The following CSMD1 variants were observed in gnomAD, a reference collection of about 807,000 sequenced individuals.
The protein encoded by CSMD1 is CUB and Sushi multiple domains 1.
In CSMD1, 213 loss-of-function variants were observed where a neutral mutation model predicts 417.5. The ratio of observed to expected loss-of-function variants is 0.51; its 90% CI spans 0.46 to 0.57. CSMD1 has a LOEUF of 0.57. Among genes scored for constraint, CSMD1 ranks in the 20% least tolerant of loss-of-function variants. The pLI, the probability that CSMD1 is intolerant of heterozygous loss-of-function variation, is 0.00. For synonymous variants in CSMD1, 2,862 were observed against 1,736.8 expected (o/e 1.65, Z -16.11); for missense variants, 6,923 against 4,529.7 (o/e 1.53, Z -15.17).
intron 10 of CSMD1, among the ~76,000 whole-genome samples, chr8:3,570,828 C>G (rs571086404): frequency 7.2e-5 from 11 of 152,144 alleles, no homozygotes; most frequent in Non-Finnish European, 1.5e-4. Flanking sequence ...AGGAGTTTCA[C>G]TTTCCGGGAT....
intron 5 of CSMD1, among the ~76,000 whole-genome samples, chr8:3,943,978 C>G (rs964658139): frequency 2.0e-5 from 3 of 151,996 alleles, no homozygotes; most frequent in African/African-American, 7.3e-5. Context: ...GAAAATTAGG[C>G]AATGATATTA....
At chr8:4,441,412 C>T (rs1047417401) in intron 2 of CSMD1, among the ~76,000 whole-genome samples, 2 of 151,452 alleles carry the variant, frequency 1.3e-5, no homozygotes, top group African/African-American at 4.9e-5. Flanking sequence ...CTCACCCAGC[C>T]CCAGAAGTCA....
intron 50 of CSMD1, among the ~76,000 whole-genome samples, chr8:3,048,541 A>C (rs979342907): frequency 1.8e-4 from 27 of 152,318 alleles, no homozygotes; most frequent in Middle Eastern, 3.4e-3. Context: ...CATTCTAAAA[A>C]ATAATCCAGA....
chr8:4,137,372 T>C (rs13273568), intron 3 of CSMD1, among the ~76,000 whole-genome samples: 57,814 of 103,418 alleles, frequency 0.56, 20,278 homozygotes, highest in Middle Eastern at 0.74. Context: ...AAACTTCTTA[T>C]GCTAAATAGA....
chr8:3,942,031 T>G (rs531006155), intron 5 of CSMD1, among the ~76,000 whole-genome samples: 13 of 152,086 alleles, frequency 8.5e-5, no homozygotes, highest in African/African-American at 2.9e-4. Context: ...TAGATTCTTA[T>G]AGGCGCGCAA....
intron 5 of CSMD1, among the ~76,000 whole-genome samples, chr8:3,838,983 A>G (rs961592098): frequency 4.0e-5 from 5 of 126,274 alleles, no homozygotes; most frequent in African/African-American, 1.2e-4. Flanking sequence ...ATAATATATT[A>G]TATATCATAT....
intron 3 of CSMD1, among the ~76,000 whole-genome samples, chr8:4,296,076 GCT>G (rs955040374): frequency 1.3e-5 from 2 of 152,032 alleles, no homozygotes; most frequent in African/African-American, 2.4e-5. Context: ...AAAATGATGT[GCT>G]CTCTGTTGTT....
rs539159310 is a variant in CSMD1 at position 4,397,030 on chromosome 8, TA to T, written c.415+22922del. Among the ~76,000 whole-genome samples the T allele has an allele frequency of 4.8e-3, 693 of 145,308 alleles. 4 individuals carry two copies. The highest frequency in any genetic ancestry group is 0.024 in the East Asian group (119 of 5,032). ...CTGTTCCCTAAAAATCTAATGAAAT[TA>T]AAAAAAAAATAAAGAAAAATTATTA... On this transcript the variant is annotated intron_variant, in intron 3 of 69. Coordinates refer to ENST00000635120, the MANE Select transcript of CSMD1 (RefSeq NM_033225.6).
chr8:4,785,750 C>A (rs926267207), intron 1 of CSMD1, among the ~76,000 whole-genome samples: 4 of 152,144 alleles, frequency 2.6e-5, no homozygotes, highest in Admixed American at 2.6e-4. Flanking sequence ...GTGCATCATA[C>A]AAATAATAGT....
intron 31 of CSMD1, among the ~76,000 whole-genome samples, chr8:3,202,843 T>G (rs1456556371): frequency 6.6e-6 from 1 of 152,208 alleles, no homozygotes; most frequent in African/African-American, 2.4e-5. Flanking sequence ...TCTTTTAAGA[T>G]TTTATAATTT....
At chr8:3,719,685 T>C (rs1802038613) in intron 6 of CSMD1, among the ~76,000 whole-genome samples, 1 of 152,136 alleles carries the variant, frequency 6.6e-6, no homozygotes, top group South Asian at 2.1e-4. Context: ...GGGGTGTCAT[T>C]CACATAGAAC....
At chr8:3,128,568 T>A (rs1585420454) in intron 41 of CSMD1, 2 of 278,138 alleles carry the variant, frequency 7.2e-6, no homozygotes, top group East Asian at 9.4e-5. Flanking sequence ...AACCTAGGAA[T>A]GTTTATTTGA....
intron 3 of CSMD1, among the ~76,000 whole-genome samples, chr8:4,238,328 C>G (rs1022221426): frequency 6.6e-6 from 1 of 152,166 alleles, no homozygotes; most frequent in Non-Finnish European, 1.5e-5. Context: ...TCAGCATGTG[C>G]GCGAGGGTGG....
chr8:4,713,778 G>A (rs1162111854), intron 1 of CSMD1, among the ~76,000 whole-genome samples: 1 of 152,136 alleles, frequency 6.6e-6, no homozygotes, highest in East Asian at 1.9e-4. Context: ...AGAAGCTTGG[G>A]CTGGAGATCA....
At chr8:3,938,275 C>T (rs1439332975) in intron 5 of CSMD1, among the ~76,000 whole-genome samples, 1 of 151,914 alleles carries the variant, frequency 6.6e-6, no homozygotes, top group Non-Finnish European at 1.5e-5. Flanking sequence ...CTACAGAGCA[C>T]AAGGGAAAAA....
At position 3,406,183 on chromosome 8, in the gene CSMD1, T is replaced by C. The variant is rs760446163; in HGVS notation, c.2110A>G (p.Ile704Val). 1.1e-5 allele frequency: 17 copies of C among 1,611,768 alleles called. No homozygotes were observed. In the East Asian group the frequency reaches 1.3e-4, roughly 13 times the overall value. Residue 704 changes from isoleucine to valine, a missense_variant, in exon 15 of 70, where the codon ATA becomes GTA. Transcript: ENST00000635120. Reference sequence around the variant, plus strand: ...CTGTCACCAAAACGTCGTCCGTTTATAGGAATGCCAGGATCATGGCACTCA... The same window carrying C: ...CTGTCACCAAAACGTCGTCCGTTTACAGGAATGCCAGGATCATGGCACTCA... ...QNECHDPGIP[I>V]NGRRFGDRFL...
chr8:4,160,769 G>C (rs775714780), intron 3 of CSMD1, among the ~76,000 whole-genome samples: 10 of 152,166 alleles, frequency 6.6e-5, no homozygotes, highest in Non-Finnish European at 1.5e-4. Context: ...GTCACACTTG[G>C]ATGAAAGCAT....
intron 1 of CSMD1, among the ~76,000 whole-genome samples, chr8:4,919,953 C>T (rs4276709): frequency 3.9e-5 from 6 of 152,152 alleles, no homozygotes; most frequent in African/African-American, 9.7e-5. Flanking sequence ...CCTGCCAATG[C>T]CTTGATCTTG....
At chr8:3,742,046 T>C (rs2129050634) in intron 6 of CSMD1, among the ~76,000 whole-genome samples, 1 of 151,872 alleles carries the variant, frequency 6.6e-6, no homozygotes, top group East Asian at 1.9e-4. Context: ...CTTCCCAGCT[T>C]CACACTCATT....
Sources: gnomAD v4.1 joint callset for allele counts (sites outside exome capture counted in the v4.1 genomes callset) on GRCh38, gnomAD v4.1.1 for gene constraint, MANE v1.5 for transcripts, NCBI Gene and HGNC (gene_info 2026-07-23, HGNC 2026-07-21) for gene names.